Variants in SHANK2 observed in about 807,000 individuals in gnomAD.
SHANK2 encodes SH3 and multiple ankyrin repeat domains 2.
Under a neutral mutation model 133.7 loss-of-function variants are expected in SHANK2, and 43 were observed. The observed-to-expected ratio is 0.32, with a 90% CI of 0.25 to 0.41. The LOEUF (loss-of-function observed/expected upper bound fraction) is 0.41, where lower values mean the gene tolerates loss of function less well. Ranked by LOEUF, SHANK2 falls within the 10% of genes least tolerant of loss-of-function variation. The pLI is 1.00. For synonymous variants in SHANK2, 1,017 were observed against 952.8 expected (o/e 1.07, Z -1.24); for missense variants, 1,994 against 2,235.8 (o/e 0.89, Z 2.18).
intron 11 of SHANK2, among the ~76,000 whole-genome samples, chr11:70,844,920 G>A (rs908688854): frequency 6.6e-6 from 1 of 152,052 alleles, no homozygotes; most frequent in Non-Finnish European, 1.5e-5. Flanking sequence ...ATAAAATAGG[G>A]CTGGGTGCAG....
chr11:71,232,714 A>G (rs1954764485), intron 1 of SHANK2, among the ~76,000 whole-genome samples: 1 of 152,132 alleles, frequency 6.6e-6, no homozygotes, highest in Non-Finnish European at 1.5e-5. Flanking sequence ...AGATAAGGTT[A>G]TTTGTTTGTA....
At chr11:70,541,591 C>T (rs995863622) in intron 17 of SHANK2, among the ~76,000 whole-genome samples, 1 of 152,190 alleles carries the variant, frequency 6.6e-6, no homozygotes, top group Non-Finnish European at 1.5e-5. Context: ...AGATGTGGGG[C>T]GTGGAGCCTG....
chr11:70,568,082 G>A (rs1442100186), intron 17 of SHANK2, among the ~76,000 whole-genome samples: 7 of 152,316 alleles, frequency 4.6e-5, no homozygotes, highest in African/African-American at 1.7e-4. Context: ...GGCCAGCAGC[G>A]GGGTGGTGGA....
chr11:71,208,497 G>A (rs577046193), intron 2 of SHANK2, among the ~76,000 whole-genome samples: 1 of 152,140 alleles, frequency 6.6e-6, no homozygotes, highest in Non-Finnish European at 1.5e-5. Context: ...GGACAGGGCT[G>A]TGCACCCAAG....
intron 17 of SHANK2, among the ~76,000 whole-genome samples, chr11:70,521,657 C>T (rs1169220492): frequency 1.1e-4 from 17 of 152,252 alleles, no homozygotes; most frequent in African/African-American, 3.1e-4. Context: ...TGTGTGTGCA[C>T]GTGAGCATGT....
chr11:71,106,644 G>A lies in SHANK2; in HGVS notation c.592+3297C>T, dbSNP rs114805934. ...ACTATGGACCTTCTGCTTTGGTACC[G>A]GCCTAATCCAGAATTCCAGCGGCAG... is the stretch of plus-strand genomic sequence containing the variant. On this transcript the variant is annotated intron_variant, in intron 6 of 25. Coordinates refer to ENST00000601538, the MANE Select transcript of SHANK2 (RefSeq NM_012309.5). Among the ~76,000 whole-genome samples, 727 of 152,196 alleles carry A rather than the reference G, an allele frequency of 4.8e-3. 4 individuals are homozygous for A. The highest frequency in any genetic ancestry group is 0.017 in the African/African-American group (696 of 41,510).
At chr11:70,616,679 G>A (rs534922982) in intron 17 of SHANK2, among the ~76,000 whole-genome samples, 79 of 152,276 alleles carry the variant, frequency 5.2e-4, no homozygotes, top group Non-Finnish European at 1.1e-3. Flanking sequence ...GGTGGGGTGT[G>A]GGGGGATCTG....
At chr11:70,482,678 T>A (rs2058751739) in intron 25 of SHANK2, among the ~76,000 whole-genome samples, 1 of 152,206 alleles carries the variant, frequency 6.6e-6, no homozygotes, top group Non-Finnish European at 1.5e-5. Flanking sequence ...AGGTGTGGGC[T>A]CCTGTTCTTA....
intron 6 of SHANK2, among the ~76,000 whole-genome samples, chr11:71,103,114 C>T (rs2135175216): frequency 6.6e-6 from 1 of 152,334 alleles, no homozygotes; most frequent in South Asian, 2.1e-4. Flanking sequence ...GCCCCATCCT[C>T]CTAATACCAT....
intron 14 of SHANK2, among the ~76,000 whole-genome samples, chr11:70,770,578 G>A (rs561215987): frequency 3.5e-4 from 54 of 152,332 alleles, no homozygotes; most frequent in Admixed American, 6.5e-4. Context: ...TCTCTAAAAC[G>A]GGTCCTCAGA....
chr11:70,617,815 A>G (rs2060772115), intron 17 of SHANK2, among the ~76,000 whole-genome samples: 2 of 152,150 alleles, frequency 1.3e-5, no homozygotes, highest in Admixed American at 6.5e-5. Context: ...AGGAAGGGGA[A>G]CATCACACAC....
intron 3 of SHANK2, among the ~76,000 whole-genome samples, chr11:71,135,013 C>G (rs181701763): frequency 6.6e-6 from 1 of 152,116 alleles, no homozygotes; most frequent in African/African-American, 2.4e-5. Context: ...TATACCTGGA[C>G]GCCCACCGCC....
chr11:70,896,391 A>C, intron 11 of SHANK2, 110 bp downstream of exon 11: 1 of 610,268 alleles, frequency 1.6e-6, no homozygotes, highest in South Asian at 2.1e-5. Context: ...TTTTGCTAAA[A>C]GCAGGCTCTA....
chr11:71,069,531 A>G (rs1291545339), intron 9 of SHANK2, among the ~76,000 whole-genome samples: 1 of 152,216 alleles, frequency 6.6e-6, no homozygotes, highest in Non-Finnish European at 1.5e-5. Context: ...CACTGCTATC[A>G]TTACAGCCAC....
intron 6 of SHANK2, among the ~76,000 whole-genome samples, chr11:71,103,915 A>C: frequency 8.1e-6 from 1 of 122,954 alleles, no homozygotes; most frequent in African/African-American, 3.1e-5. Flanking sequence ...CACGGGATGC[A>C]CCTGCTCCTC....
chr11:70,782,945 C>T (rs539893344), intron 14 of SHANK2, among the ~76,000 whole-genome samples: 1 of 152,182 alleles, frequency 6.6e-6, no homozygotes, highest in Admixed American at 6.5e-5. Context: ...AATTCACGGA[C>T]CCGCAATGTG....
intron 22 of SHANK2, 87 bp downstream of exon 22, chr11:70,492,248 G>A (rs782356240): frequency 2.4e-5 from 38 of 1,571,574 alleles, no homozygotes; most frequent in Middle Eastern, 4.0e-4. Flanking sequence ...ACATGAAAGC[G>A]TGTGCACCTC....
At chr11:70,815,837 A>G (rs1293807753) in intron 12 of SHANK2, among the ~76,000 whole-genome samples, 1 of 152,128 alleles carries the variant, frequency 6.6e-6, no homozygotes, top group African/African-American at 2.4e-5. Context: ...GTCCTGGCCA[A>G]GGTTTCTGGG....
intron 9 of SHANK2, among the ~76,000 whole-genome samples, chr11:71,061,631 C>G (rs1053161904): frequency 6.6e-6 from 1 of 152,148 alleles, no homozygotes; most frequent in African/African-American, 2.4e-5. Flanking sequence ...TGGAAAGTAA[C>G]CCCTGATCCC....
Sources: allele counts gnomAD v4.1 joint callset (sites outside exome capture counted in the v4.1 genomes callset), GRCh38; gene constraint gnomAD v4.1.1; transcripts MANE v1.5; gene names NCBI Gene and HGNC (gene_info 2026-07-23, HGNC 2026-07-21).